LAMA4: variants seen among roughly 807,000 people sequenced by gnomAD.
LAMA4 encodes the protein laminin subunit alpha 4, also known as laminin subunit alpha-4.
Under a neutral mutation model 207.1 loss-of-function variants are expected in LAMA4, and 127 were observed. That is an observed-to-expected ratio of 0.61 (90% CI 0.53 to 0.71). The LOEUF (loss-of-function observed/expected upper bound fraction) is 0.71. LAMA4 is among the 30% of genes least tolerant of loss of function. The pLI, the probability that LAMA4 is intolerant of heterozygous loss-of-function variation, is 0.00. For synonymous variants in LAMA4, 761 were observed against 816.0 expected (o/e 0.93, Z 1.15); for missense variants, 2,093 against 2,246.5 (o/e 0.93, Z 1.38).
At chr6:112,177,582 A>G (rs1782100955) in intron 10 of LAMA4, among the ~76,000 whole-genome samples, 1 of 152,214 alleles carries the variant, frequency 6.6e-6, no homozygotes, top group Non-Finnish European at 1.5e-5. Context: ...CAAACCTCCA[A>G]GAGGGAAGGT....
At chr6:112,223,222 A>G (rs1554361163) in intron 2 of LAMA4, among the ~76,000 whole-genome samples, 1 of 151,972 alleles carries the variant, frequency 6.6e-6, no homozygotes, top group Admixed American at 6.6e-5. Flanking sequence ...GTTTTATTTA[A>G]TTTACTGGGG....
chr6:112,215,165 C>A (rs1406153913), intron 3 of LAMA4, among the ~76,000 whole-genome samples: 1 of 152,152 alleles, frequency 6.6e-6, no homozygotes, highest in Non-Finnish European at 1.5e-5. Context: ...AAGGAGTAGA[C>A]TTTGGCAGCT....
chr6:112,203,779 A>G lies in LAMA4; in HGVS notation c.423-2091T>C, dbSNP rs782440410. On this transcript the variant is annotated intron_variant, in intron 4 of 38. Transcript: ENST00000230538. ...TACATGATATTTACTTATAGGTGAC[A>G]CACTTTTTACTTCATTTTCGTTTTC... Among the ~76,000 whole-genome samples, 6 of 150,608 alleles carry G rather than the reference A, an allele frequency of 4.0e-5. No homozygotes were observed. The East Asian group carries it at 5.8e-4, about 14-fold the overall frequency.
At chr6:112,119,542 G>T (rs2114585418) in intron 33 of LAMA4, among the ~76,000 whole-genome samples, 1 of 152,236 alleles carries the variant, frequency 6.6e-6, no homozygotes, top group East Asian at 1.9e-4. Flanking sequence ...ATTTGATTCT[G>T]TTTTGTTATA....
chr6:112,216,855 G>T, intron 2 of LAMA4: 2 of 284,052 alleles, frequency 7.0e-6, no homozygotes, highest in South Asian at 3.5e-5. Flanking sequence ...TCAGGGTGAG[G>T]TCATGCTCCC....
chr6:112,144,746 C>T (rs367657079), intron 19 of LAMA4, 48 bp downstream of exon 19: 122 of 1,603,996 alleles, frequency 7.6e-5, no homozygotes, highest in Admixed American at 3.0e-4. Context: ...AGCTCAGCTT[C>T]GTGTTATTAT....
At chr6:112,222,291 A>G (rs532679862) in intron 2 of LAMA4, among the ~76,000 whole-genome samples, 1 of 152,204 alleles carries the variant, frequency 6.6e-6, no homozygotes, top group Non-Finnish European at 1.5e-5. Flanking sequence ...TCAATTAGGA[A>G]AGTGGTTTCA....
rs1778206250 is a variant in LAMA4, at chr6:112,119,277, A to T, written c.4700T>A (p.Leu1567Gln). 1.2e-6 allele frequency: 2 copies of T among 1,614,054 alleles called. No homozygotes were observed. Among genetic ancestry groups the T allele is most frequent in the African/African-American group, 1.3e-5 (1 of 75,050 alleles). Residue 1567 changes from leucine (L) to glutamine (Q), a missense_variant, in exon 34 of 39, where the codon CTG becomes CAG. Coordinates refer to ENST00000230538, the MANE Select transcript of LAMA4 (RefSeq NM_001105206.3). The part of the protein sequence containing the change: ...IFIRERSSGR[L>Q]VIDGLRVLEE... ...TAGGACTCGGAGACCATCAATTACCAGTCGGCCACTGCTCCTTTCTCGAAT... is the reference window on the plus strand; with the variant it reads ...TAGGACTCGGAGACCATCAATTACCTGTCGGCCACTGCTCCTTTCTCGAAT...
chr6:112,240,671 C>T (rs1168787831), intron 2 of LAMA4, among the ~76,000 whole-genome samples: 7 of 152,134 alleles, frequency 4.6e-5, no homozygotes, highest in African/African-American at 1.7e-4. Flanking sequence ...CTGTGCCTGG[C>T]TTATTTAACT....
intron 13 of LAMA4, chr6:112,161,937 C>A (rs1268990183): frequency 1.3e-5 from 2 of 152,170 alleles, no homozygotes; most frequent in African/African-American, 4.8e-5. Flanking sequence ...CATGTAGGGT[C>A]TCATGGGCCA....
chr6:112,159,277 T>C (rs1396351853), intron 13 of LAMA4: 1 of 234,758 alleles, frequency 4.3e-6, no homozygotes, highest in African/African-American at 2.3e-5. Flanking sequence ...ATATTTCCTA[T>C]TTTGACCTAG....
intron 31 of LAMA4, among the ~76,000 whole-genome samples, chr6:112,124,411 G>C (rs73532613): frequency 6.6e-6 from 1 of 152,026 alleles, no homozygotes; most frequent in Non-Finnish European, 1.5e-5. Flanking sequence ...CAATAAACTC[G>C]GGTGTCTTTA....
At chr6:112,121,882 T>C (rs1778381794) in intron 32 of LAMA4, 132 bp downstream of exon 32, 1 of 769,772 alleles carries the variant, frequency 1.3e-6, no homozygotes, top group African/African-American at 1.7e-5. Flanking sequence ...ATTTAGTGTT[T>C]ATTTTGGTGA....
chr6:112,134,518 G>A lies in LAMA4; in HGVS notation c.3506C>T (p.Pro1169Leu), dbSNP rs730880123. 1.1e-5 allele frequency: 17 copies of A among 1,612,770 alleles called. No homozygotes were observed. Among genetic ancestry groups the A allele is most frequent in the Non-Finnish European group, 1.4e-5 (17 of 1,179,158 alleles). Reference sequence around the variant, plus strand: ...TCCTCCAATGTATATATCTGTAAAAGGTATTTTCATCTTTTCATTATCCAT... The same window carrying A: ...TCCTCCAATGTATATATCTGTAAAAAGTATTTTCATCTTTTCATTATCCAT... ...KSMDNEKMKI[P>L]FTDIYIGGAP... The change falls in exon 26 of 39, where the codon CCT becomes CTT. Residue 1169 changes from proline to leucine, a missense_variant. By Grantham distance (98) the Pro-to-Leu change is moderately conservative. Around this residue, in one of 3 missense-constraint regions of LAMA4, gnomAD observed 1,704 missense variants for 1,788.4 expected, o/e 0.95. Coordinates refer to ENST00000230538, the MANE Select transcript of LAMA4 (RefSeq NM_001105206.3).
Position 112,144,937 on chromosome 6 carries a change from C to T in LAMA4, c.2354-4G>A. 2 of 1,611,756 alleles carry T rather than the reference C, an allele frequency of 1.2e-6. No homozygotes were observed. The highest frequency in any genetic ancestry group is 1.7e-6 in the Non-Finnish European group (2 of 1,178,700). ...ACAACCTCGGTCAGATTTCTTACTG[C>T]AGTTAATAAAAATTAATCATTTAAG... On this transcript the variant is annotated splice_region_variant and splice_polypyrimidine_tract_variant and intron_variant, in intron 18 of 38. Coordinates refer to ENST00000230538, the MANE Select transcript of LAMA4 (RefSeq NM_001105206.3).
chr6:112,159,765 ACTCCAGACCTCT>A (rs1398782319), intron 13 of LAMA4, among the ~76,000 whole-genome samples: 1 of 151,998 alleles, frequency 6.6e-6, no homozygotes, highest in Non-Finnish European at 1.5e-5. Context: ...AGTGAGTGAA[ACTCCAGACCTCT>A]CTACCCCTTT....
intron 5 of LAMA4, 133 bp from the exon 6 acceptor site, chr6:112,191,983 ATCT>A (rs1288347884): frequency 6.4e-6 from 5 of 786,988 alleles, no homozygotes; most frequent in African/African-American, 3.4e-5. Flanking sequence ...GCACTCTCTC[ATCT>A]TCTTCATAGG....
chr6:112,145,657 T>G lies in LAMA4; in HGVS notation c.2354-724A>C, dbSNP rs533077357. On this transcript the variant is annotated intron_variant, in intron 18 of 38. Transcript: ENST00000230538. ...TCTTTCAGCCACCCACCCACTCCAC[T>G]CAGACCTCAGTATGGGCTCGAACCT... 2.0e-5 allele frequency among the ~76,000 whole-genome samples: 3 copies of G among 152,236 alleles called. No individual in the cohort carries two copies. The East Asian group carries it at 5.8e-4, about 29-fold the overall frequency.
At position 112,207,147 on chromosome 6, in the gene LAMA4, T is replaced by C. The variant is rs1784104999; in HGVS notation, c.298-2A>G. On this transcript the variant is annotated splice_acceptor_variant, in intron 3 of 38. Transcript: ENST00000230538. LOFTEE classifies it high-confidence loss of function. ...TCCTGTTGTGTTCCGCTGGCAGTGC[T>C]ATGAGACAAAAGACAAGAAGATTGA... 5 of 1,613,762 alleles carry C rather than the reference T, an allele frequency of 3.1e-6. No homozygotes were observed. The highest frequency in any genetic ancestry group is 3.4e-6 in the Non-Finnish European group (4 of 1,179,936).
Sources: allele counts gnomAD v4.1 joint callset (sites outside exome capture counted in the v4.1 genomes callset), GRCh38; gene constraint gnomAD v4.1.1; regional missense constraint gnomAD v4.1.1; transcripts MANE v1.5; gene names NCBI Gene and HGNC (gene_info 2026-07-23, HGNC 2026-07-21).